The following PDE10A variants were observed in gnomAD, a reference collection of about 807,000 sequenced individuals.
PDE10A encodes the protein cAMP and cAMP-inhibited cGMP 3',5'-cyclic phosphodiesterase 10A.
A neutral mutation model predicts 97.7 loss-of-function variants in PDE10A; 39 were observed. That is an observed-to-expected ratio of 0.40 (90% confidence interval 0.31 to 0.52). The LOEUF (loss-of-function observed/expected upper bound fraction) is 0.52. PDE10A is among the 20% of genes least tolerant of loss of function. The probability of loss-of-function intolerance (pLI) is 0.56; values close to 1 mark genes in which losing one functional copy is unlikely to be tolerated. For synonymous variants in PDE10A, 371 were observed against 376.8 expected (o/e 0.98, Z 0.18); for missense variants, 731 against 1,047.8 (o/e 0.70, Z 4.17).
intron 1 of PDE10A, among the ~76,000 whole-genome samples, chr6:165,725,567 C>A (rs1792272449): frequency 6.6e-6 from 1 of 152,220 alleles, no homozygotes; most frequent in Non-Finnish European, 1.5e-5. Flanking sequence ...TCGGTTCCTG[C>A]CAGTCAGCAC....
chr6:165,585,112 C>A (rs1446386843), intron 1 of PDE10A, among the ~76,000 whole-genome samples: 1 of 152,018 alleles, frequency 6.6e-6, no homozygotes, highest in Non-Finnish European at 1.5e-5. Flanking sequence ...ATTTAAGTTC[C>A]AGGAAGTTAA....
intron 1 of PDE10A, among the ~76,000 whole-genome samples, chr6:165,784,852 T>C (rs965153590): frequency 6.6e-6 from 1 of 152,180 alleles, no homozygotes; most frequent in African/African-American, 2.4e-5. Context: ...CCAGTTCCAT[T>C]AAGACAGGAT....
At chr6:165,666,656 C>G (rs929195894), upstream of PDE10A, among the ~76,000 whole-genome samples, 1 of 151,784 alleles carries the variant, frequency 6.6e-6, no homozygotes, top group Non-Finnish European at 1.5e-5. Flanking sequence ...CGGCCCCCCA[C>G]CCCCGCAGTC....
Position 165,459,948 on chromosome 6 carries a change from T to C in PDE10A, c.1024-9586A>G, listed in dbSNP as rs186218357. Among the ~76,000 whole-genome samples, 626 of 152,196 alleles carry C rather than the reference T, an allele frequency of 4.1e-3. 3 individuals carry two copies. Among genetic ancestry groups the C allele is most frequent in the Non-Finnish European group, 7.0e-3 (474 of 67,996 alleles). On this transcript the variant is annotated intron_variant, in intron 3 of 21. Transcript: ENST00000539869. ...TGCTGAGCCTGAAATATGTCCAAAA[T>C]GTAAAAAAGGAAAACAATGGGCTAC...
chr6:165,577,505 C>T (rs1785371958), intron 1 of PDE10A, among the ~76,000 whole-genome samples: 1 of 152,192 alleles, frequency 6.6e-6, no homozygotes, highest in African/African-American at 2.4e-5. Flanking sequence ...GCTATAAAGG[C>T]CCCACACCCC....
chr6:165,506,848 T>C (rs910211072), intron 2 of PDE10A, among the ~76,000 whole-genome samples: 2 of 152,150 alleles, frequency 1.3e-5, no homozygotes, highest in Non-Finnish European at 2.9e-5. Context: ...AATACTGCCA[T>C]AACAATCAAA....
intron 1 of PDE10A, among the ~76,000 whole-genome samples, chr6:165,561,191 G>A (rs629904): frequency 2.0e-5 from 3 of 151,196 alleles, no homozygotes; most frequent in African/African-American, 7.3e-5. Context: ...TGCACTCCAG[G>A]CTGGGTGACA....
intron 1 of PDE10A, among the ~76,000 whole-genome samples, chr6:165,927,647 C>CATAT (rs71029572): frequency 0.072 from 5,233 of 72,980 alleles, 293 homozygotes; most frequent in Middle Eastern, 0.14. Flanking sequence ...ATGAGAATGA[C>CATAT]ATATATATAT....
chr6:165,633,794 A>T (rs1281341726), intron 1 of PDE10A, among the ~76,000 whole-genome samples: 2 of 146,752 alleles, frequency 1.4e-5, no homozygotes, highest in Non-Finnish European at 3.0e-5. Flanking sequence ...CGCCGGGCTA[A>T]TTTTTTTTTT....
chr6:165,814,364 C>G (rs1386183350), intron 1 of PDE10A, among the ~76,000 whole-genome samples: 1 of 152,174 alleles, frequency 6.6e-6, no homozygotes, highest in African/African-American at 2.4e-5. Context: ...CCTTGCTCCA[C>G]ACAGGGCCAT....
In PDE10A at chr6:165,881,931, T is replaced by C. The variant is rs112062728; in HGVS notation, c.-615+105598A>G. 1.8e-3 allele frequency among the ~76,000 whole-genome samples: 279 copies of C among 152,330 alleles called. 1 individual carries two copies. The highest frequency in any genetic ancestry group is 6.3e-3 in the African/African-American group (264 of 41,580). On this transcript the variant is annotated intron_variant, in intron 1 of 19. Coordinates refer to the PDE10A transcript ENST00000366882. ...GACATTATTTGTACCTTATGCAAAG[T>C]GTGCCGCCCAGGCAGAAGGGTTTAA...
chr6:165,621,243 A>G (rs756616794), intron 1 of PDE10A, among the ~76,000 whole-genome samples: 4 of 141,820 alleles, frequency 2.8e-5, no homozygotes, highest in Admixed American at 6.7e-5. Flanking sequence ...CATTTATAGA[A>G]CTAAAAAAAA....
At chr6:165,771,291 C>T (rs1421010498) in intron 1 of PDE10A, among the ~76,000 whole-genome samples, 1 of 152,196 alleles carries the variant, frequency 6.6e-6, no homozygotes, top group Non-Finnish European at 1.5e-5. Context: ...CCAGAAATAA[C>T]ATCTGGTTGG....
chr6:165,732,366 C>G (rs1486824777), intron 1 of PDE10A, among the ~76,000 whole-genome samples: 2 of 152,160 alleles, frequency 1.3e-5, no homozygotes, highest in African/African-American at 2.4e-5. Context: ...GGGGCAGACC[C>G]TGGGGGCAGG....
At chr6:165,594,370 T>C (rs1033595751) in intron 1 of PDE10A, among the ~76,000 whole-genome samples, 5 of 152,180 alleles carry the variant, frequency 3.3e-5, no homozygotes, top group African/African-American at 4.8e-5. Flanking sequence ...TCTGGGTAGT[T>C]TGAATATCGG....
At chr6:165,806,050 A>AG (rs1286047669) in intron 1 of PDE10A, among the ~76,000 whole-genome samples, 2 of 144,678 alleles carry the variant, frequency 1.4e-5, no homozygotes, top group Non-Finnish European at 3.0e-5. Flanking sequence ...ATTAAAAAAA[A>AG]AAAAAAAAAA....
intron 2 of PDE10A, 149 bp downstream of exon 2, chr6:165,543,291 T>C (rs1262622370): frequency 3.8e-6 from 2 of 522,696 alleles, no homozygotes; most frequent in South Asian, 6.7e-5. Context: ...CTAACTTACT[T>C]TATCTTTTTA....
At chr6:165,575,861 A>T (rs1007952313) in intron 1 of PDE10A, among the ~76,000 whole-genome samples, 4 of 152,088 alleles carry the variant, frequency 2.6e-5, no homozygotes, top group Non-Finnish European at 5.9e-5. Flanking sequence ...TGGTCTCAGT[A>T]GTATCAGATA....
chr6:165,939,604 T>C (rs1405781655), intron 1 of PDE10A: 1 of 152,242 alleles, frequency 6.6e-6, no homozygotes, highest in Non-Finnish European at 1.5e-5. Context: ...TGAATATGAC[T>C]TGGGTTCTTC....
Sources: allele counts gnomAD v4.1 joint callset (sites outside exome capture counted in the v4.1 genomes callset), GRCh38; gene constraint gnomAD v4.1.1; transcripts MANE v1.5; gene names NCBI Gene and HGNC (gene_info 2026-07-23, HGNC 2026-07-21).